The following TNKS variants were observed in gnomAD, a reference collection of about 807,000 sequenced individuals.
TNKS encodes poly [ADP-ribose] polymerase tankyrase-1.
A neutral mutation model predicts 135.8 loss-of-function variants in TNKS; 72 were observed. The ratio of observed to expected loss-of-function variants is 0.53; its 90% CI spans 0.44 to 0.64. TNKS has a LOEUF of 0.64. TNKS is among the 30% of genes least tolerant of loss of function. TNKS has a pLI of 0.00. For synonymous variants in TNKS, 849 were observed against 649.3 expected (o/e 1.31, Z -4.68); for missense variants, 1,769 against 1,674.0 (o/e 1.06, Z -0.99).
intron 17 of TNKS, among the ~76,000 whole-genome samples, chr8:9,738,972 G>A (rs1267033046): frequency 4.0e-5 from 6 of 151,886 alleles, no homozygotes; most frequent in Admixed American, 6.6e-5. Flanking sequence ...TTTCTGTCTC[G>A]TTGATCTGTC....
chr8:9,659,083 A>G (rs1455815845), intron 3 of TNKS, among the ~76,000 whole-genome samples: 1 of 152,250 alleles, frequency 6.6e-6, no homozygotes, highest in African/African-American at 2.4e-5. Context: ...AGATTCATAA[A>G]GCAAGTCCTT....
At position 9,611,449 on chromosome 8, in the gene TNKS, A is replaced by G. The variant is rs115961367; in HGVS notation, c.899-4133A>G. Among the ~76,000 whole-genome samples the G allele has an allele frequency of 2.5e-3, 382 of 152,356 alleles. 3 individuals carry two copies. Among genetic ancestry groups the G allele is most frequent in the African/African-American group, 8.8e-3 (368 of 41,586 alleles). On this transcript the variant is annotated intron_variant, in intron 2 of 26. Coordinates refer to ENST00000310430, the MANE Select transcript of TNKS (RefSeq NM_003747.3). ...TAATATGACACTGTATCATCAAGCA[A>G]TGTGGTACTTTTTCAGAAAAATCTG...
intron 2 of TNKS, among the ~76,000 whole-genome samples, chr8:9,591,479 T>C (rs756636245): frequency 6.6e-6 from 1 of 152,242 alleles, no homozygotes; most frequent in Non-Finnish European, 1.5e-5. Flanking sequence ...TAAGTGCACA[T>C]TGGACTGTAA....
chr8:9,615,324 T>A (rs1799598602), intron 2 of TNKS: 1 of 276,164 alleles, frequency 3.6e-6, no homozygotes, highest in African/African-American at 2.2e-5. Context: ...ACCAAAACTC[T>A]ACATTGCAAG....
At chr8:9,722,068 A>C (rs1804913193) in intron 12 of TNKS, among the ~76,000 whole-genome samples, 2 of 145,312 alleles carry the variant, frequency 1.4e-5, no homozygotes, top group Admixed American at 6.9e-5. Flanking sequence ...ACAAAAAAAA[A>C]AGAAAAGAAA....
chr8:9,576,204 G>T (rs897562738), intron 1 of TNKS, among the ~76,000 whole-genome samples: 1 of 152,066 alleles, frequency 6.6e-6, no homozygotes. Context: ...CCCAATTCCC[G>T]AGCAAAATTG....
At chr8:9,761,483 A>C in intron 20 of TNKS, 33 bp from the exon 21 acceptor site, 1 of 1,610,884 alleles carries the variant, frequency 6.2e-7, no homozygotes, top group Non-Finnish European at 8.5e-7. Context: ...GAACTGTTAA[A>C]GATATCCTAG....
chr8:9,677,508 A>G (rs371110524), intron 3 of TNKS, among the ~76,000 whole-genome samples: 46 of 152,174 alleles, frequency 3.0e-4, no homozygotes, highest in African/African-American at 1.1e-3. Context: ...AATAGTAGCT[A>G]CTTTTAAGTT....
chr8:9,556,424 C>G lies in TNKS; in HGVS notation c.485C>G (p.Thr162Arg). 1 of 1,614,230 alleles carries G rather than the reference C, an allele frequency of 6.2e-7. No homozygotes were observed. The highest frequency in any genetic ancestry group is 8.5e-7 in the Non-Finnish European group (1 of 1,180,046). ...CCCGAGGCGGCCGGAGTTAGCAGCA[C>G]AGCACCACTGGGGCCTGGGGCAGCA... is the stretch of plus-strand genomic sequence containing the variant. ...ESPEAAGVSS[T>R]APLGPGAAGP... Residue 162 changes from threonine to arginine, a missense_variant, in exon 1 of 27, where the codon ACA becomes AGA. Physicochemically the swap from Thr to Arg is moderately conservative, Grantham distance 71 (BLOSUM62 -1). Around this residue, in one of 5 missense-constraint regions of TNKS, gnomAD observed 450 missense variants for 304.9 expected, o/e 1.48. Coordinates refer to ENST00000310430, the MANE Select transcript of TNKS (RefSeq NM_003747.3).
chr8:9,657,274 A>G (rs1341477730), intron 3 of TNKS, among the ~76,000 whole-genome samples: 1 of 97,238 alleles, frequency 1.0e-5, no homozygotes, highest in African/African-American at 3.8e-5. Flanking sequence ...TCCCTCCCGG[A>G]CGGGGCGGCT....
chr8:9,754,255 A>G (rs986815511), intron 20 of TNKS, among the ~76,000 whole-genome samples: 2 of 152,312 alleles, frequency 1.3e-5, no homozygotes, highest in East Asian at 3.9e-4. Flanking sequence ...GGCCCTAGAT[A>G]TCTTTTTAAG....
intron 3 of TNKS, among the ~76,000 whole-genome samples, chr8:9,652,836 G>T (rs1350172273): frequency 6.6e-6 from 1 of 152,114 alleles, no homozygotes; most frequent in Non-Finnish European, 1.5e-5. Context: ...GACCACAGAA[G>T]ATAAATATTA....
At position 9,720,353 on chromosome 8, in the gene TNKS, G is replaced by A. The variant is rs910484625; in HGVS notation, c.1750-21G>A. 5.8e-6 allele frequency: 9 copies of A among 1,559,668 alleles called. No homozygotes were observed. In the African/African-American group the frequency reaches 1.1e-4, roughly 19 times the overall value. ...CTAAACAAGATGCTCAATTCCATGT[G>A]CCCACGCAATGATTTTTCAGATGAA... On this transcript the variant is annotated intron_variant, in intron 11 of 26. Coordinates refer to ENST00000310430, the MANE Select transcript of TNKS (RefSeq NM_003747.3).
intron 18 of TNKS, 124 bp downstream of exon 18, chr8:9,748,336 A>C (rs1446499676): frequency 1.2e-6 from 1 of 860,992 alleles, no homozygotes; most frequent in Admixed American, 4.2e-5. Flanking sequence ...TCTTCTGAAA[A>C]TTTTTGAAGT....
chr8:9,658,548 A>C (rs1222555663), intron 3 of TNKS: 1 of 369,718 alleles, frequency 2.7e-6, no homozygotes, highest in Admixed American at 4.9e-5. Flanking sequence ...AGATTTTGTC[A>C]CCACCAGGCC....
At chr8:9,707,209 A>G (rs1223101488) in intron 8 of TNKS, among the ~76,000 whole-genome samples, 1 of 152,200 alleles carries the variant, frequency 6.6e-6, no homozygotes, top group Admixed American at 6.5e-5. Context: ...GCCTAGTTTT[A>G]ATTCGTATGT....
At chr8:9,567,983 C>G (rs1797612610) in intron 1 of TNKS, among the ~76,000 whole-genome samples, 1 of 152,100 alleles carries the variant, frequency 6.6e-6, no homozygotes, top group South Asian at 2.1e-4. Context: ...TTTAGCCTCT[C>G]TATTGTCCTG....
intron 17 of TNKS, 36 bp from the exon 18 acceptor site, chr8:9,747,988 A>T: frequency 6.4e-7 from 1 of 1,566,598 alleles, no homozygotes; most frequent in South Asian, 1.2e-5. Context: ...AGATGATCTC[A>T]TTCTTAACTC....
chr8:9,752,965 G>GA (rs767596138), intron 20 of TNKS, among the ~76,000 whole-genome samples: 3,160 of 97,188 alleles, frequency 0.033, 95 homozygotes, highest in African/African-American at 0.1. Context: ...ACCCTATCTC[G>GA]AAAAAAAAAA....
Sources: gnomAD v4.1 joint callset for allele counts (sites outside exome capture counted in the v4.1 genomes callset) on GRCh38, gnomAD v4.1.1 for gene constraint, gnomAD v4.1.1 regional missense constraint, MANE v1.5 for transcripts, NCBI Gene and HGNC (gene_info 2026-07-23, HGNC 2026-07-21) for gene names.